UIMC1: variants seen among roughly 807,000 people sequenced by gnomAD.
UIMC1 encodes the protein ubiquitin interaction motif containing 1.
In UIMC1, 42 loss-of-function variants were observed where a neutral mutation model predicts 84.9. That is an observed-to-expected ratio of 0.49 (90% CI 0.39 to 0.64). The LOEUF (loss-of-function observed/expected upper bound fraction) is 0.64. Among genes scored for constraint, UIMC1 ranks in the 30% least tolerant of loss-of-function variants. The probability of loss-of-function intolerance (pLI) is 0.00; values close to 1 mark genes in which losing one functional copy is unlikely to be tolerated. For missense variants in UIMC1, 825 were observed against 847.6 expected (o/e 0.97, Z 0.33); for synonymous variants, 281 against 293.0 (o/e 0.96, Z 0.42).
intron 1 of UIMC1, among the ~76,000 whole-genome samples, chr5:177,012,440 G>A (rs1775569819): frequency 6.6e-6 from 1 of 152,106 alleles, no homozygotes; most frequent in Admixed American, 6.6e-5. Flanking sequence ...TCTCACACCT[G>A]CAATCCCGGC....
intron 5 of UIMC1, 107 bp from the exon 6 acceptor site, chr5:176,969,398 T>C (rs1478277477): frequency 8.9e-6 from 13 of 1,464,858 alleles, no homozygotes; most frequent in Non-Finnish European, 2.8e-6. Context: ...AGAAAGGCTC[T>C]TCTTTGGGTT....
intron 10 of UIMC1, among the ~76,000 whole-genome samples, chr5:176,933,231 C>A (rs539162285): frequency 6.6e-6 from 1 of 152,152 alleles, no homozygotes; most frequent in African/African-American, 2.4e-5. Context: ...GAGATCCCAA[C>A]AGACACTGAG....
At chr5:176,995,742 T>G (rs944444912) in intron 1 of UIMC1, among the ~76,000 whole-genome samples, 1 of 148,672 alleles carries the variant, frequency 6.7e-6, no homozygotes, top group Non-Finnish European at 1.5e-5. Flanking sequence ...ACTTGGGAGG[T>G]TGAGGCAGGA....
chr5:176,907,247 G>A (rs1375809618), intron 12 of UIMC1, 70 bp from the exon 13 acceptor site: 4 of 1,406,678 alleles, frequency 2.8e-6, no homozygotes, highest in Non-Finnish European at 4.0e-6. Context: ...CCACAGCCCA[G>A]ATCACACGTG....
chr5:176,942,286 A>G (rs973100122), intron 10 of UIMC1, among the ~76,000 whole-genome samples: 6 of 152,202 alleles, frequency 3.9e-5, no homozygotes, highest in African/African-American at 1.4e-4. Context: ...AAAAAGAGGG[A>G]AAAAACCTAC....
intron 7 of UIMC1, among the ~76,000 whole-genome samples, chr5:176,956,783 C>G (rs1033574649): frequency 6.6e-6 from 1 of 151,792 alleles, no homozygotes; most frequent in Non-Finnish European, 1.5e-5. Context: ...ATCCTCACAT[C>G]AACCAAGAAC....
At chr5:176,938,089 C>T (rs1032850902) in intron 10 of UIMC1, among the ~76,000 whole-genome samples, 2 of 149,326 alleles carry the variant, frequency 1.3e-5, no homozygotes, top group Admixed American at 1.4e-4. Context: ...ACTCGGGAGG[C>T]TGAGGCAGAA....
chr5:176,975,508 T>C (rs758342934), intron 2 of UIMC1, 28 bp from the exon 3 acceptor site: 1 of 1,610,784 alleles, frequency 6.2e-7, no homozygotes, highest in Non-Finnish European at 8.5e-7. Flanking sequence ...ATATCATCAG[T>C]GTGGCTGCCA....
chr5:176,951,459 G>A lies in UIMC1; in HGVS notation c.1443+15C>T. 2.7e-6 allele frequency: 4 copies of A among 1,487,964 alleles called. No individual in the cohort carries two copies. Among genetic ancestry groups the A allele is most frequent in the South Asian group, 1.5e-5 (1 of 68,926 alleles). 92.2% of individuals were successfully genotyped at this position (1,487,964 alleles called of 1,614,324 possible). On this transcript the variant is annotated intron_variant, in intron 9 of 14. Coordinates refer to ENST00000511320, the MANE Select transcript of UIMC1 (RefSeq NM_001199298.2). ...AAAGAAACCACTGAGAAAAAATATA[G>A]AGGAAAATATTCACCTCCTTATCTG...
chr5:176,968,435 T>C (rs1407072248), intron 6 of UIMC1, 120 bp downstream of exon 6: 2 of 1,373,912 alleles, frequency 1.5e-6, no homozygotes, highest in Admixed American at 2.4e-5. Flanking sequence ...TAATTTTCTA[T>C]AGTGAACATG....
chr5:177,006,872 G>C (rs1053721349), upstream of UIMC1: 1 of 152,262 alleles, frequency 6.6e-6, no homozygotes, highest in Non-Finnish European at 1.5e-5. Flanking sequence ...CCGCCCGTGA[G>C]CCGGCTCGCA....
chr5:176,909,810 G>A (rs887326568), intron 11 of UIMC1, among the ~76,000 whole-genome samples: 2 of 152,178 alleles, frequency 1.3e-5, no homozygotes, highest in African/African-American at 4.8e-5. Context: ...CTACATGAGA[G>A]ACAGAAGTAC....
At chr5:177,002,279 G>T (rs371529741) in intron 1 of UIMC1, among the ~76,000 whole-genome samples, 1 of 151,954 alleles carries the variant, frequency 6.6e-6, no homozygotes, top group African/African-American at 2.4e-5. Context: ...GTGACAGTGA[G>T]ACCTTTTCCC....
At chr5:176,911,849 T>A (rs1760257927) in intron 10 of UIMC1, among the ~76,000 whole-genome samples, 1 of 152,202 alleles carries the variant, frequency 6.6e-6, no homozygotes, top group African/African-American at 2.4e-5. Flanking sequence ...GTGAGAAAAC[T>A]GTGGCTCAGA....
intron 10 of UIMC1, among the ~76,000 whole-genome samples, chr5:176,932,135 T>C (rs7706790): frequency 0.3 from 46,064 of 152,086 alleles, 8,672 homozygotes; most frequent in East Asian, 0.5. Context: ...GCTAAGAGTA[T>C]GTACGTCAGT....
chr5:176,983,234 T>C (rs1771321244), intron 1 of UIMC1, among the ~76,000 whole-genome samples: 1 of 151,546 alleles, frequency 6.6e-6, no homozygotes, highest in Non-Finnish European at 1.5e-5. Context: ...GCCCTCTCCC[T>C]CTCCCCCTCC....
chr5:177,001,514 A>T (rs1159727673), intron 1 of UIMC1: 3 of 152,172 alleles, frequency 2.0e-5, no homozygotes, highest in Non-Finnish European at 4.4e-5. Context: ...TTGGGAGCAC[A>T]GAACGTTATC....
At chr5:176,907,073 C>T in intron 13 of UIMC1, 41 bp downstream of exon 13, 1 of 1,602,364 alleles carries the variant, frequency 6.2e-7, no homozygotes, top group South Asian at 1.1e-5. Context: ...CACTGAAAGG[C>T]CTTAGGCAGA....
chr5:176,968,164 G>C (rs1222504770), intron 6 of UIMC1, among the ~76,000 whole-genome samples: 2 of 152,064 alleles, frequency 1.3e-5, no homozygotes, highest in African/African-American at 4.8e-5. Flanking sequence ...ACAAGGTCAG[G>C]AGTTCAAGAC....
Sources: gnomAD v4.1 joint callset for allele counts (sites outside exome capture counted in the v4.1 genomes callset) on GRCh38, gnomAD v4.1.1 for gene constraint, MANE v1.5 for transcripts, NCBI Gene and HGNC (gene_info 2026-07-23, HGNC 2026-07-21) for gene names.